DNAH5: variants seen among roughly 807,000 people sequenced by gnomAD.
DNAH5 encodes dynein axonemal heavy chain 5, also known as axonemal beta dynein heavy chain 5.
In DNAH5, 372 loss-of-function variants were observed where a neutral mutation model predicts 518.2. That is an observed-to-expected ratio of 0.72 (90% CI 0.66 to 0.78). The LOEUF (loss-of-function observed/expected upper bound fraction) is 0.78. DNAH5 is among the 30% of genes least tolerant of loss of function. The probability of loss-of-function intolerance (pLI) is 0.00; values close to 1 mark genes in which losing one functional copy is unlikely to be tolerated. For missense variants in DNAH5, 5,523 were observed against 5,687.0 expected, an observed-to-expected ratio of 0.97 and a Z score of 0.93; for synonymous variants, 2,039 against 2,025.9, an observed-to-expected ratio of 1.01 and a Z score of -0.17.
intron 53 of DNAH5, 126 bp from the exon 54 acceptor site, chr5:13,777,481 G>T (rs2126815263): frequency 1.4e-6 from 1 of 717,254 alleles, no homozygotes; most frequent in South Asian, 1.7e-5. Flanking sequence ...GTATACGTAT[G>T]TATTCTATAT....
rs761705556 is a variant in DNAH5, at chr5:13,714,499, G to A, written c.13031C>T (p.Thr4344Ile). 1.2e-6 allele frequency: 2 copies of A among 1,614,136 alleles called. No homozygotes were observed. Among genetic ancestry groups the A allele is most frequent in the South Asian group, 1.1e-5 (1 of 91,086 alleles). Reference protein sequence around the residue: ...DTILGIQPKDTSGGGDETREA... With the variant: ...DTILGIQPKDISGGGDETREA... ...CCGGGTCTCATCCCCTCCACCAGAG[G>A]TGTCCTTGGGTTGGATGCCTAGGAT... Residue 4344 changes from threonine (T) to isoleucine (I), a missense_variant, in exon 75 of 79, where the codon ACC (threonine) becomes ATC (isoleucine). Around this residue, in one of 3 missense-constraint regions of DNAH5, gnomAD observed 387 missense variants for 430.0 expected, o/e 0.90. Transcript: ENST00000265104.
At position 13,826,537 on chromosome 5, in the gene DNAH5, CT is replaced by C. The variant is rs565537433; in HGVS notation, c.6445-2205del. Among the ~76,000 whole-genome samples, 215 of 152,236 alleles carry C rather than the reference CT, an allele frequency of 1.4e-3. 2 individuals are homozygous for C. The highest frequency in any genetic ancestry group is 4.8e-3 in the African/African-American group (199 of 41,550). ...TAAGATCTGATGGTTTTATAAGGGG[CT>C]TTTCCCCCTCTTCACTCAGCACTTC... On this transcript the variant is annotated intron_variant, in intron 38 of 78. Transcript: ENST00000265104.
At chr5:13,845,034 A>G (rs1765783450) in intron 31 of DNAH5, 41 bp from the exon 32 acceptor site, 2 of 1,600,080 alleles carry the variant, frequency 1.2e-6, no homozygotes, top group East Asian at 2.2e-5. Context: ...TAACCACACA[A>G]AGCTGGTCGT....
At chr5:13,951,656 C>T (rs745710844) in intron 1 of DNAH5, among the ~76,000 whole-genome samples, 1 of 152,128 alleles carries the variant, frequency 6.6e-6, no homozygotes, top group Non-Finnish European at 1.5e-5. Context: ...CAGTTAACAA[C>T]GGGGAGAAAC....
At chr5:13,829,445 A>G in intron 38 of DNAH5, 65 bp downstream of exon 38, 4 of 1,545,046 alleles carry the variant, frequency 2.6e-6, no homozygotes, top group Non-Finnish European at 3.6e-6. Flanking sequence ...TCTCAAAATG[A>G]GAACATTCTG....
chr5:13,909,883 C>T lies in DNAH5; in HGVS notation c.1644+1503G>A, dbSNP rs140971320. ...TAATACATAATTGCTGTATAGCAAACGTTTGTTTCATTGCAATAAATCTAC... is the reference window on the plus strand; with the variant it reads ...TAATACATAATTGCTGTATAGCAAATGTTTGTTTCATTGCAATAAATCTAC... On this transcript the variant is annotated intron_variant, in intron 12 of 78. Coordinates refer to ENST00000265104, the MANE Select transcript of DNAH5 (RefSeq NM_001369.3). Among the ~76,000 whole-genome samples the T allele has an allele frequency of 3.2e-4, 48 of 152,214 alleles. No homozygotes were observed. The East Asian group carries it at 8.9e-3, about 28-fold the overall frequency.
At chr5:13,921,991 T>C (rs1015299735) in intron 5 of DNAH5, 116 bp downstream of exon 5, 2 of 1,136,754 alleles carry the variant, frequency 1.8e-6, no homozygotes, top group Non-Finnish European at 2.6e-6. Context: ...TACAAAAATT[T>C]TTGAAGAACT....
intron 75 of DNAH5, among the ~76,000 whole-genome samples, chr5:13,712,988 G>C (rs1743704546): frequency 6.6e-6 from 1 of 151,574 alleles, no homozygotes; most frequent in African/African-American, 2.4e-5. Flanking sequence ...AAGAAAATAA[G>C]TCATTCTACA....
At chr5:13,871,915 G>A (rs113910738) in intron 22 of DNAH5, 150 bp from the exon 23 acceptor site, 7 of 743,720 alleles carry the variant, frequency 9.4e-6, no homozygotes, top group Non-Finnish European at 1.6e-5. Flanking sequence ...AAAGAACTGG[G>A]ACTATATACA....
In DNAH5 at chr5:13,824,268, T is replaced by G. The variant is rs768106523; in HGVS notation, c.6510A>C (p.Arg2170Ser). Residue 2170 changes from arginine (R) to serine (S), a missense_variant, in exon 39 of 79, where the codon AGA becomes AGC. By Grantham distance (110) the Arg-to-Ser change is moderately radical (BLOSUM62 -1). Coordinates refer to ENST00000265104, the MANE Select transcript of DNAH5 (RefSeq NM_001369.3). ...SVLRTLGAAK[R>S]ANPMDTESTI... ...TGGACTCCGTATCCATTGGATTGGCTCTTTTTGCTGCTCCCAAGGTCCGAA... is the reference window on the plus strand; with the variant it reads ...TGGACTCCGTATCCATTGGATTGGCGCTTTTTGCTGCTCCCAAGGTCCGAA... 4.3e-6 allele frequency: 7 copies of G among 1,614,084 alleles called. No homozygotes were observed. In the Admixed American group the frequency reaches 1.2e-4, roughly 27 times the overall value.
chr5:13,967,113 CA>C, intron 1 of DNAH5, among the ~76,000 whole-genome samples: 1 of 152,218 alleles, frequency 6.6e-6, no homozygotes, highest in East Asian at 1.9e-4. Flanking sequence ...TCACCTGCCT[CA>C]GCCTCCCAAA....
At chr5:13,772,301 T>C (rs1753455517) in intron 55 of DNAH5, among the ~76,000 whole-genome samples, 1 of 152,258 alleles carries the variant, frequency 6.6e-6, no homozygotes, top group Non-Finnish European at 1.5e-5. Flanking sequence ...ATTTTCTTTC[T>C]TCTTATCTGA....
chr5:13,990,502 G>A lies in DNAH5; in HGVS notation c.12+21146C>T, dbSNP rs145108465. 6.1e-3 allele frequency among the ~76,000 whole-genome samples: 930 copies of A among 151,590 alleles called. 8 individuals are homozygous for A. Among genetic ancestry groups the A allele is most frequent in the African/African-American group, 0.019 (768 of 41,238 alleles). On this transcript the variant is annotated intron_variant, in intron 1 of 78. Transcript: ENST00000681290. ...CGGGAGGCAGAGCTTGCAGCAAGCC[G>A]AGATCGCACCACTGCACTCCAGCCT...
At chr5:13,798,201 TATA>T (rs2126939813) in intron 47 of DNAH5, among the ~76,000 whole-genome samples, 1 of 152,108 alleles carries the variant, frequency 6.6e-6, no homozygotes, top group African/African-American at 2.4e-5. Flanking sequence ...CAACTTAAAG[TATA>T]ATAAAATAAA....
Position 13,771,258 on chromosome 5 carries a change from G to T in DNAH5, c.9374-278C>A, listed in dbSNP as rs113636240. 0.032 allele frequency: 13,844 copies of T among 435,614 alleles called. 339 individuals are homozygous for T. The highest frequency in any genetic ancestry group is 0.04 in the Non-Finnish European group (9,467 of 236,028). The allele number at this position is 435,614 out of a possible 1,614,324, so 27.0% of individuals were successfully genotyped here. A position where few individuals can be genotyped will look rare whatever the true frequency, so the allele number is the denominator to read the frequency against. On this transcript the variant is annotated intron_variant, in intron 55 of 78. Transcript: ENST00000265104. ...AGACATCTCTTCTACACAGCTGCAG[G>T]TTCTGGTCAGCAGCCAACCTGTTTT...
At chr5:13,856,313 G>T (rs1413005999) in intron 30 of DNAH5, among the ~76,000 whole-genome samples, 1 of 152,084 alleles carries the variant, frequency 6.6e-6, no homozygotes, top group Non-Finnish European at 1.5e-5. Flanking sequence ...TGATAAAGGG[G>T]ATATCGCCAC....
intron 31 of DNAH5, among the ~76,000 whole-genome samples, 176 bp downstream of exon 31, chr5:13,850,476 C>G (rs1364783354): frequency 6.6e-6 from 1 of 152,204 alleles, no homozygotes; most frequent in African/African-American, 2.4e-5. Context: ...CAGGACAAAT[C>G]TAGCAAGTCT....
chr5:13,738,887 T>C (rs1401139051), intron 65 of DNAH5, among the ~76,000 whole-genome samples: 1 of 152,192 alleles, frequency 6.6e-6, no homozygotes, highest in Non-Finnish European at 1.5e-5. Flanking sequence ...ACTTATGTAT[T>C]AGAGAGTTTA....
At chr5:13,980,112 A>G (rs1782571469) in intron 1 of DNAH5, among the ~76,000 whole-genome samples, 1 of 152,116 alleles carries the variant, frequency 6.6e-6, no homozygotes, top group South Asian at 2.1e-4. Flanking sequence ...TGGTAGGATT[A>G]CAGGCGTGAC....
Sources: gnomAD v4.1 joint callset for allele counts (sites outside exome capture counted in the v4.1 genomes callset) on GRCh38, gnomAD v4.1.1 for gene constraint, gnomAD v4.1.1 regional missense constraint, MANE v1.5 for transcripts, NCBI Gene and HGNC (gene_info 2026-07-23, HGNC 2026-07-21) for gene names.